STK33: variants seen among roughly 807,000 people sequenced by gnomAD.
STK33 encodes serine/threonine kinase 33.
Under a neutral mutation model 58.0 loss-of-function variants are expected in STK33, and 52 were observed. That is an observed-to-expected ratio of 0.90 (90% CI 0.72 to 1.13). The LOEUF (loss-of-function observed/expected upper bound fraction) is 1.13, where lower values mean the gene tolerates loss of function less well. Among genes scored for constraint, STK33 ranks in the 50% most tolerant of loss-of-function variants. The pLI, the probability that STK33 is intolerant of heterozygous loss-of-function variation, is 0.00. For synonymous variants in STK33, 215 were observed against 200.1 expected, an observed-to-expected ratio of 1.07 and a Z score of -0.63; for missense variants, 630 against 604.2, an observed-to-expected ratio of 1.04 and a Z score of -0.45.
intron 1 of STK33, among the ~76,000 whole-genome samples, chr11:8,481,041 G>A (rs1392456552): frequency 6.6e-6 from 1 of 152,182 alleles, no homozygotes; most frequent in Non-Finnish European, 1.5e-5. Context: ...AGTACCGAGA[G>A]AGAGGAGCTG....
chr11:8,387,131 C>G (rs1848555090), downstream of STK33, among the ~76,000 whole-genome samples: 1 of 152,338 alleles, frequency 6.6e-6, no homozygotes. Context: ...GCTTGAGTCT[C>G]GACCAAATTC....
At position 8,563,214 on chromosome 11, in the gene STK33, C is replaced by G. The variant is rs112255596; in HGVS notation, c.-466+30869G>C. On this transcript the variant is annotated intron_variant, in intron 1 of 15. Coordinates refer to ENST00000687296, the MANE Select transcript of STK33 (RefSeq NM_001352389.2). Reference sequence around the variant, plus strand: ...TCTTTTTTCTTGGGATACCCATAGGCCTTCTGGGAGTGTTCCTTGGGATTC... The same window carrying G: ...TCTTTTTTCTTGGGATACCCATAGGGCTTCTGGGAGTGTTCCTTGGGATTC... 9.0e-4 allele frequency among the ~76,000 whole-genome samples: 137 copies of G among 152,242 alleles called. 1 individual carries two copies. Among genetic ancestry groups the G allele is most frequent in the African/African-American group, 3.2e-3 (132 of 41,554 alleles).
At chr11:8,542,370 A>T (rs971964986) in intron 1 of STK33, among the ~76,000 whole-genome samples, 1 of 152,364 alleles carries the variant, frequency 6.6e-6, no homozygotes, top group Non-Finnish European at 1.5e-5. Context: ...AACAACACAA[A>T]ATACATTTCA....
Position 8,507,506 on chromosome 11 carries a change from A to G in STK33, c.-465-26892T>C, listed in dbSNP as rs1052046049. On this transcript the variant is annotated intron_variant, in intron 1 of 15. Coordinates refer to ENST00000687296, the MANE Select transcript of STK33 (RefSeq NM_001352389.2). ...ATGAGACAGGGAATAAGTCTAAATC[A>G]CTACCCAGCGAAGAGTCTTTGATGA... is the stretch of plus-strand genomic sequence containing the variant. 3.2e-4 allele frequency among the ~76,000 whole-genome samples: 48 copies of G among 152,276 alleles called. 1 individual carries two copies. Among genetic ancestry groups the G allele is most frequent in the African/African-American group, 1.1e-3 (45 of 41,558 alleles).
intron 1 of STK33, among the ~76,000 whole-genome samples, chr11:8,529,533 T>C (rs1324089310): frequency 6.6e-6 from 1 of 152,056 alleles, no homozygotes; most frequent in Non-Finnish European, 1.5e-5. Flanking sequence ...TCCAAAAAGC[T>C]CACCCTCTGA....
At chr11:8,371,963 G>A in the STK33 span, among the ~76,000 whole-genome samples, 1 of 151,270 alleles carries the variant, frequency 6.6e-6, no homozygotes, top group Non-Finnish European at 1.5e-5. Context: ...ATAGCTCACT[G>A]TAGCCTTGAC....
intron 1 of STK33, among the ~76,000 whole-genome samples, chr11:8,589,020 T>C (rs889673289): frequency 6.6e-6 from 1 of 152,090 alleles, no homozygotes; most frequent in Non-Finnish European, 1.5e-5. Flanking sequence ...CAGTAACAAG[T>C]TCTAGTGAAG....
At chr11:8,351,501 A>C in the STK33 span, among the ~76,000 whole-genome samples, 1 of 152,194 alleles carries the variant, frequency 6.6e-6, no homozygotes, top group South Asian at 2.1e-4. Context: ...CCGTCCCTGC[A>C]CGGGTGATGG....
rs536845508 is a variant in STK33 at position 8,510,531 on chromosome 11, T to C, written c.-465-29917A>G. 5.9e-5 allele frequency among the ~76,000 whole-genome samples: 9 copies of C among 152,306 alleles called. No individual in the cohort carries two copies. The South Asian group carries it at 1.4e-3, about 25-fold the overall frequency. ...TTAGGTCCCATTTATTTATTTTTGT[T>C]CTCGTTGCGTTTGCTTTTGGGTTCT... is the stretch of plus-strand genomic sequence containing the variant. On this transcript the variant is annotated intron_variant, in intron 1 of 15. Transcript: ENST00000687296.
downstream of STK33, among the ~76,000 whole-genome samples, chr11:8,388,111 T>C (rs761216074): frequency 2.6e-5 from 4 of 152,182 alleles, 1 homozygote; most frequent in Middle Eastern, 6.8e-3. Context: ...ACCTGATGCA[T>C]GTTTGGAGGA....
intron 1 of STK33, among the ~76,000 whole-genome samples, chr11:8,520,981 C>T (rs1953370238): frequency 6.6e-6 from 1 of 150,936 alleles, no homozygotes; most frequent in South Asian, 2.1e-4. Context: ...GAAATTGGAT[C>T]TTTATCTAAA....
intron 1 of STK33, among the ~76,000 whole-genome samples, chr11:8,503,306 T>C (rs540833140): frequency 2.3e-3 from 344 of 152,320 alleles, no homozygotes; most frequent in African/African-American, 7.9e-3. Context: ...AATAAGATCA[T>C]GTCTTTTGTA....
intron 14 of STK33, among the ~76,000 whole-genome samples, chr11:8,423,264 C>T (rs1016132311): frequency 5.3e-5 from 8 of 150,882 alleles, no homozygotes; most frequent in African/African-American, 7.3e-5. Flanking sequence ...AGTTGATTTT[C>T]GCTCTTAGTT....
chr11:8,427,082 C>G (rs1402110910), intron 14 of STK33, among the ~76,000 whole-genome samples: 1 of 152,130 alleles, frequency 6.6e-6, no homozygotes, highest in Admixed American at 6.6e-5. Flanking sequence ...AAGACTCTTG[C>G]TGCACATGGC....
At chr11:8,437,707 G>T (rs1944251642) in intron 12 of STK33, among the ~76,000 whole-genome samples, 1 of 151,892 alleles carries the variant, frequency 6.6e-6, no homozygotes. Context: ...GTCAAAATTT[G>T]ATTTTTTCAT....
At chr11:8,392,956 C>T (rs567358395) in intron 15 of STK33, among the ~76,000 whole-genome samples, 3 of 152,314 alleles carry the variant, frequency 2.0e-5, no homozygotes, top group East Asian at 3.9e-4. Flanking sequence ...AAACCTCTGT[C>T]GTCCAAAATG....
chr11:8,471,035 G>T (rs182089903), intron 6 of STK33, among the ~76,000 whole-genome samples: 1 of 152,094 alleles, frequency 6.6e-6, no homozygotes, highest in African/African-American at 2.4e-5. Context: ...AAAAACACAA[G>T]ATCTGCAGAG....
the STK33 span, among the ~76,000 whole-genome samples, chr11:8,357,497 C>T: frequency 6.6e-4 from 101 of 152,342 alleles, no homozygotes; most frequent in Non-Finnish European, 1.1e-3. Context: ...ACATGTCTGT[C>T]GGGAAGAGGA....
At chr11:8,448,171 T>G (rs1197779110) in intron 11 of STK33, among the ~76,000 whole-genome samples, 1 of 152,104 alleles carries the variant, frequency 6.6e-6, no homozygotes, top group Non-Finnish European at 1.5e-5. Context: ...TGCTCACGGG[T>G]AGGAAGAATC....
Sources: allele counts gnomAD v4.1 joint callset (sites outside exome capture counted in the v4.1 genomes callset), GRCh38; gene constraint gnomAD v4.1.1; transcripts MANE v1.5; gene names NCBI Gene and HGNC (gene_info 2026-07-23, HGNC 2026-07-21).